Variants in SNX29 observed in about 807,000 individuals in gnomAD.
SNX29 encodes the protein sorting nexin 29, also known as sorting nexin-29.
Under a neutral mutation model 102.1 loss-of-function variants are expected in SNX29, and 78 were observed. That is an observed-to-expected ratio of 0.76 (90% confidence interval 0.64 to 0.92). SNX29 has a LOEUF of 0.92. Among genes scored for constraint, SNX29 ranks in the 40% least tolerant of loss-of-function variants. SNX29 has a pLI of 0.00. For synonymous variants in SNX29, 580 were observed against 414.5 expected, an observed-to-expected ratio of 1.40 and a Z score of -4.85; for missense variants, 1,280 against 1,061.7, an observed-to-expected ratio of 1.21 and a Z score of -2.86.
At chr16:11,982,423 GTTTT>G (rs60761477) in intron 1 of SNX29, among the ~76,000 whole-genome samples, 2 of 120,350 alleles carry the variant, frequency 1.7e-5, no homozygotes, top group African/African-American at 6.1e-5. Flanking sequence ...CTTTCCATCA[GTTTT>G]TTTTTTTTTT....
At chr16:12,245,030 C>G (rs2078219736) in intron 14 of SNX29, among the ~76,000 whole-genome samples, 1 of 152,154 alleles carries the variant, frequency 6.6e-6, no homozygotes, top group Non-Finnish European at 1.5e-5. Flanking sequence ...AAAAATAAGT[C>G]TGAAAGGGCA....
chr16:12,137,495 A>G (rs2054706415), intron 13 of SNX29, among the ~76,000 whole-genome samples: 1 of 152,064 alleles, frequency 6.6e-6, no homozygotes, highest in Non-Finnish European at 1.5e-5. Context: ...AACTTCCTTG[A>G]CAGTGTTGTG....
chr16:12,066,358 C>T (rs1567175604), intron 9 of SNX29, among the ~76,000 whole-genome samples: 1 of 152,102 alleles, frequency 6.6e-6, no homozygotes, highest in Non-Finnish European at 1.5e-5. Context: ...AGTCTTGGAT[C>T]CCCCTGGCTC....
At chr16:12,055,491 A>G (rs1596715189) in intron 8 of SNX29, among the ~76,000 whole-genome samples, 1 of 152,010 alleles carries the variant, frequency 6.6e-6, no homozygotes, top group East Asian at 1.9e-4. Flanking sequence ...TCAGCCTCCC[A>G]GAGTGCTGGG....
intron 20 of SNX29, among the ~76,000 whole-genome samples, chr16:12,542,954 A>G (rs1008704091): frequency 1.3e-5 from 2 of 152,150 alleles, no homozygotes; most frequent in Admixed American, 1.3e-4. Context: ...ATTAGCTTGA[A>G]GCAGAAAAGA....
chr16:12,562,868 C>T (rs182409265), intron 20 of SNX29, among the ~76,000 whole-genome samples: 66 of 152,246 alleles, frequency 4.3e-4, no homozygotes, highest in African/African-American at 1.5e-3. Flanking sequence ...CCGGTCTGTG[C>T]TTTGTCATTT....
intron 20 of SNX29, among the ~76,000 whole-genome samples, chr16:12,564,057 C>T (rs918299219): frequency 6.6e-5 from 10 of 151,850 alleles, no homozygotes; most frequent in Admixed American, 2.6e-4. Context: ...TGTGGTTTGG[C>T]AACGATGCTG....
At chr16:12,401,758 T>C (rs2083954186) in intron 17 of SNX29, among the ~76,000 whole-genome samples, 1 of 152,158 alleles carries the variant, frequency 6.6e-6, no homozygotes, top group South Asian at 2.1e-4. Context: ...TATTGCTCTA[T>C]CTCCAGTACC....
chr16:12,514,727 T>C (rs2089786147), intron 19 of SNX29, among the ~76,000 whole-genome samples: 1 of 152,050 alleles, frequency 6.6e-6, no homozygotes, highest in Non-Finnish European at 1.5e-5. Context: ...TAGCTGGGCG[T>C]GGTGGCATGT....
rs113038684 is a variant in SNX29, at chr16:12,378,800, G to A, written c.1900-19646G>A. 6.2e-3 allele frequency among the ~76,000 whole-genome samples: 941 copies of A among 152,182 alleles called. 9 individuals are homozygous for A. Among genetic ancestry groups the A allele is most frequent in the African/African-American group, 0.022 (897 of 41,510 alleles). ...GACTCCGTTCTCACTGCTCCCTTCC[G>A]CTCCCCCAGCCCAGTCCGTCTCCCC... is the stretch of plus-strand genomic sequence containing the variant. On this transcript the variant is annotated intron_variant, in intron 16 of 20. Coordinates refer to ENST00000566228, the MANE Select transcript of SNX29 (RefSeq NM_032167.5).
intron 3 of SNX29, among the ~76,000 whole-genome samples, chr16:12,004,885 T>A (rs1210009072): frequency 2.0e-5 from 3 of 152,256 alleles, no homozygotes; most frequent in African/African-American, 7.2e-5. Flanking sequence ...CTTTTTAATT[T>A]TGCCTATTAC....
intron 6 of SNX29, among the ~76,000 whole-genome samples, chr16:12,047,645 C>T (rs1169826914): frequency 7.2e-6 from 1 of 139,532 alleles, no homozygotes; most frequent in Non-Finnish European, 1.6e-5. Flanking sequence ...GTTGCTGGAC[C>T]AAGGTCTTTT....
chr16:12,565,510 C>T (rs1010830704), intron 20 of SNX29, among the ~76,000 whole-genome samples: 9 of 152,222 alleles, frequency 5.9e-5, no homozygotes, highest in African/African-American at 1.9e-4. Flanking sequence ...TGTCCCGAGA[C>T]ATGGCTCTGC....
chr16:12,546,954 C>T (rs908221142), intron 20 of SNX29, among the ~76,000 whole-genome samples: 1 of 152,118 alleles, frequency 6.6e-6, no homozygotes, highest in South Asian at 2.1e-4. Context: ...AATTCCCCAC[C>T]CCTCCATCCA....
intron 20 of SNX29, among the ~76,000 whole-genome samples, chr16:12,540,331 T>C (rs369290844): frequency 6.6e-6 from 1 of 152,170 alleles, no homozygotes; most frequent in African/African-American, 2.4e-5. Context: ...ACAGCTCTTA[T>C]GATTAAAGAG....
intron 20 of SNX29, among the ~76,000 whole-genome samples, chr16:12,543,219 G>A (rs1181506426): frequency 1.3e-5 from 2 of 152,198 alleles, no homozygotes; most frequent in Non-Finnish European, 2.9e-5. Flanking sequence ...GCTCCTGATA[G>A]CTGTAGCGGA....
At chr16:12,440,382 A>G (rs1323951983) in intron 18 of SNX29, among the ~76,000 whole-genome samples, 1 of 152,166 alleles carries the variant, frequency 6.6e-6, no homozygotes, top group Non-Finnish European at 1.5e-5. Flanking sequence ...GGCAGTCTCC[A>G]TCACCCCCAC....
chr16:12,203,343 G>C (rs1484996711), intron 14 of SNX29, among the ~76,000 whole-genome samples: 3 of 151,022 alleles, frequency 2.0e-5, no homozygotes, highest in Non-Finnish European at 3.0e-5. Flanking sequence ...GTGTGGCCCT[G>C]CTGTCAGGTG....
At position 12,512,369 on chromosome 16, in the gene SNX29, A is replaced by ATATATAT. The variant is rs2089660367; in HGVS notation, c.2179-12333_2179-12332insTATATAT. 6.6e-3 allele frequency among the ~76,000 whole-genome samples: 291 copies of ATATATAT among 43,908 alleles called. 37 individuals carry two copies. Among genetic ancestry groups the ATATATAT allele is most frequent in the Middle Eastern group, 0.039 (3 of 76 alleles). The allele number at this position is 43,908 out of a possible 152,430, so 28.8% of individuals were successfully genotyped here. A position where few individuals can be genotyped will look rare whatever the true frequency, so the allele number is the denominator to read the frequency against. ...CGTCCATCATGGAAGGCCCAGGGAA[A>ATATATAT]ATATATATATATATATATATATATA... On this transcript the variant is annotated intron_variant, in intron 19 of 20. Transcript: ENST00000566228.
Sources: gnomAD v4.1 joint callset for allele counts (sites outside exome capture counted in the v4.1 genomes callset) on GRCh38, gnomAD v4.1.1 for gene constraint, MANE v1.5 for transcripts, NCBI Gene and HGNC (gene_info 2026-07-23, HGNC 2026-07-21) for gene names.